The following ARMH3 variants were observed in gnomAD, a reference collection of about 807,000 sequenced individuals.
The protein encoded by ARMH3 is armadillo-like helical domain-containing protein 3.
A neutral mutation model predicts 99.1 loss-of-function variants in ARMH3; 60 were observed. The ratio of observed to expected loss-of-function variants is 0.61; its 90% CI spans 0.49 to 0.75. The LOEUF (loss-of-function observed/expected upper bound fraction) is 0.75, where lower values mean the gene tolerates loss of function less well. Among genes scored for constraint, ARMH3 ranks in the 30% least tolerant of loss-of-function variants. The pLI, the probability that ARMH3 is intolerant of heterozygous loss-of-function variation, is 0.00. For synonymous variants in ARMH3, 285 were observed against 292.8 expected (o/e 0.97, Z 0.27); for missense variants, 679 against 843.1 (o/e 0.81, Z 2.41).
chr10:102,041,953 T>C (rs1029282616), intron 1 of ARMH3, among the ~76,000 whole-genome samples: 1 of 152,186 alleles, frequency 6.6e-6, no homozygotes, highest in South Asian at 2.1e-4. Context: ...CAGCCTGACC[T>C]AAAATTTTAC....
chr10:101,864,671 C>T (rs564755048), intron 24 of ARMH3, among the ~76,000 whole-genome samples: 12 of 152,286 alleles, frequency 7.9e-5, no homozygotes, highest in Admixed American at 7.2e-4. Context: ...CATGTTCTCA[C>T]TCATAGGTGG....
At chr10:102,000,588 G>A (rs188245134) in intron 15 of ARMH3, among the ~76,000 whole-genome samples, 3 of 112,536 alleles carry the variant, frequency 2.7e-5, no homozygotes, top group African/African-American at 3.3e-5. Context: ...GCGAAACCCC[G>A]TATCTACAAA....
chr10:102,043,632 G>C (rs1422658971), intron 1 of ARMH3, among the ~76,000 whole-genome samples: 1 of 152,176 alleles, frequency 6.6e-6, no homozygotes, highest in Non-Finnish European at 1.5e-5. Context: ...GTTGATCCAA[G>C]CTTTTAAATC....
chr10:101,870,470 TG>T, intron 24 of ARMH3, among the ~76,000 whole-genome samples: 1 of 152,290 alleles, frequency 6.6e-6, no homozygotes, highest in East Asian at 1.9e-4. Context: ...GTTATACATG[TG>T]ATAAAGCAAG....
At chr10:102,050,432 C>T (rs1440820964) in intron 1 of ARMH3, among the ~76,000 whole-genome samples, 2 of 151,778 alleles carry the variant, frequency 1.3e-5, no homozygotes, top group Non-Finnish European at 2.9e-5. Context: ...CCAGCCTGGG[C>T]AACAGAGCAA....
chr10:102,036,562 C>G (rs577814720), intron 2 of ARMH3, among the ~76,000 whole-genome samples: 22 of 152,270 alleles, frequency 1.4e-4, no homozygotes, highest in African/African-American at 5.3e-4. Flanking sequence ...TGCTGTTGAT[C>G]TGTGACCTTG....
At chr10:101,983,684 G>T (rs1441232324) in intron 19 of ARMH3, among the ~76,000 whole-genome samples, 1 of 152,210 alleles carries the variant, frequency 6.6e-6, no homozygotes, top group Non-Finnish European at 1.5e-5. Flanking sequence ...TCATCTACGT[G>T]CAGGGAGGTT....
intron 23 of ARMH3, among the ~76,000 whole-genome samples, chr10:101,897,185 T>A (rs1184624781): frequency 6.6e-6 from 1 of 152,198 alleles, no homozygotes; most frequent in Non-Finnish European, 1.5e-5. Context: ...AAAGGAGTTC[T>A]ACCCACAGAC....
intron 23 of ARMH3, among the ~76,000 whole-genome samples, chr10:101,896,429 A>T (rs2067837287): frequency 1.3e-5 from 2 of 152,296 alleles, no homozygotes; most frequent in Admixed American, 1.3e-4. Context: ...AGGGTTAGGG[A>T]AGAATAGGGA....
chr10:101,961,632 G>A (rs1845306521), intron 20 of ARMH3, among the ~76,000 whole-genome samples: 2 of 152,080 alleles, frequency 1.3e-5, no homozygotes, highest in African/African-American at 4.8e-5. Flanking sequence ...TGGCACTCAG[G>A]ATCTCAGTGC....
At chr10:101,936,717 C>G (rs547899659) in intron 23 of ARMH3, among the ~76,000 whole-genome samples, 1 of 151,974 alleles carries the variant, frequency 6.6e-6, no homozygotes, top group African/African-American at 2.4e-5. Flanking sequence ...CATGTTCATA[C>G]CAGCATTATT....
intron 8 of ARMH3, among the ~76,000 whole-genome samples, chr10:102,017,984 G>A (rs2066787219): frequency 6.6e-6 from 1 of 152,100 alleles, no homozygotes; most frequent in Non-Finnish European, 1.5e-5. Flanking sequence ...AAAATCACTA[G>A]GTGAAGATCC....
intron 19 of ARMH3, among the ~76,000 whole-genome samples, chr10:101,977,465 A>G (rs1446706926): frequency 6.6e-6 from 1 of 152,250 alleles, no homozygotes; most frequent in Non-Finnish European, 1.5e-5. Flanking sequence ...ATGGCAAACT[A>G]CATGGGAAAT....
chr10:101,978,502 GA>G (rs1461143132), intron 19 of ARMH3, among the ~76,000 whole-genome samples: 1 of 152,162 alleles, frequency 6.6e-6, no homozygotes, highest in African/African-American at 2.4e-5. Flanking sequence ...GTATACAAAA[GA>G]AAAACACAAA....
chr10:101,905,473 C>T (rs911443496), intron 23 of ARMH3, among the ~76,000 whole-genome samples: 1 of 152,182 alleles, frequency 6.6e-6, no homozygotes, highest in African/African-American at 2.4e-5. Flanking sequence ...GTGAATCATT[C>T]TCTCTCAAAG....
chr10:101,919,465 T>A (rs951572339), intron 23 of ARMH3, among the ~76,000 whole-genome samples: 4 of 152,186 alleles, frequency 2.6e-5, no homozygotes, highest in African/African-American at 4.8e-5. Flanking sequence ...TCACAGCACT[T>A]TATAAGCCTT....
chr10:101,898,013 C>T lies in ARMH3; in HGVS notation c.1782-8523G>A, dbSNP rs185259913. On this transcript the variant is annotated intron_variant, in intron 23 of 25. Coordinates refer to ENST00000370033, the MANE Select transcript of ARMH3 (RefSeq NM_024541.3). ...TGCCGGGTGGTTGTTAACTGAGACA[C>T]ATAGTTAATGTCGAACTTGCATTAA... is the stretch of plus-strand genomic sequence containing the variant. Among the ~76,000 whole-genome samples the T allele has an allele frequency of 3.8e-3, 576 of 152,216 alleles. 7 individuals are homozygous for T. The highest frequency in any genetic ancestry group is 0.029 in the Admixed American group (438 of 15,288).
At chr10:101,851,983 G>A (rs1053695003) in intron 24 of ARMH3, among the ~76,000 whole-genome samples, 1 of 152,148 alleles carries the variant, frequency 6.6e-6, no homozygotes, top group African/African-American at 2.4e-5. Flanking sequence ...CTGCAGCCAA[G>A]GTCTTGGCTC....
intron 23 of ARMH3, among the ~76,000 whole-genome samples, chr10:101,919,248 T>C (rs1243578203): frequency 6.6e-6 from 1 of 152,160 alleles, no homozygotes; most frequent in East Asian, 1.9e-4. Context: ...TCCTTTCTTT[T>C]TGTCTTAAAC....
Sources: allele counts gnomAD v4.1 joint callset (sites outside exome capture counted in the v4.1 genomes callset), GRCh38; gene constraint gnomAD v4.1.1; transcripts MANE v1.5; gene names NCBI Gene and HGNC (gene_info 2026-07-23, HGNC 2026-07-21).